The following ZBTB20 variants were observed in gnomAD, a reference collection of about 807,000 sequenced individuals.
ZBTB20 encodes zinc finger and BTB domain containing 20.
ZBTB20 carries 9 observed loss-of-function variants against 56.9 expected under a neutral mutation model. That is an observed-to-expected ratio of 0.16 (90% CI 0.10 to 0.28). The LOEUF is 0.28. ZBTB20 is among the 10% of genes least tolerant of loss of function. The pLI is 1.00. For synonymous variants in ZBTB20, 417 were observed against 420.7 expected, an observed-to-expected ratio of 0.99 and a Z score of 0.11; for missense variants, 655 against 1,003.0, an observed-to-expected ratio of 0.65 and a Z score of 4.69.
chr3:114,393,418 A>G (rs1316421939), intron 7 of ZBTB20, among the ~76,000 whole-genome samples: 2 of 152,236 alleles, frequency 1.3e-5, no homozygotes, highest in Admixed American at 1.3e-4. Flanking sequence ...TAATACAACC[A>G]TAGTATGTCT....
At chr3:115,032,570 A>G (rs1244206495) in intron 2 of ZBTB20, among the ~76,000 whole-genome samples, 1 of 151,494 alleles carries the variant, frequency 6.6e-6, no homozygotes, top group African/African-American at 2.4e-5. Context: ...TCCACCCAAC[A>G]AAAACAGAAT....
intron 6 of ZBTB20, among the ~76,000 whole-genome samples, chr3:114,618,439 G>A (rs1477862027): frequency 6.6e-6 from 1 of 151,360 alleles, no homozygotes. Context: ...AAAAATTTTA[G>A]TAGAGATGAG....
At chr3:114,760,553 A>C (rs929075926) in intron 5 of ZBTB20, among the ~76,000 whole-genome samples, 1 of 152,204 alleles carries the variant, frequency 6.6e-6, no homozygotes, top group African/African-American at 2.4e-5. Context: ...AAAAGATGGG[A>C]TTTAATACAT....
At chr3:114,909,708 C>T (rs1172164916) in intron 3 of ZBTB20, among the ~76,000 whole-genome samples, 1 of 151,966 alleles carries the variant, frequency 6.6e-6, no homozygotes, top group Non-Finnish European at 1.5e-5. Context: ...GATGCTCACA[C>T]AATGATGAAA....
chr3:114,530,147 G>A (rs1383960111), intron 6 of ZBTB20, among the ~76,000 whole-genome samples: 1 of 152,152 alleles, frequency 6.6e-6, no homozygotes, highest in Non-Finnish European at 1.5e-5. Flanking sequence ...GTCTACAGGA[G>A]TATACAGTAA....
chr3:114,549,535 G>A lies in ZBTB20; in HGVS notation c.-294-49144C>T. ...ATGCAGTACAATTCATTCTCTACTA[G>A]CATCAATTTCTTTTTGTAAACAGAA... On this transcript the variant is annotated intron_variant, in intron 6 of 11. Transcript: ENST00000675478. 1.3e-5 allele frequency among the ~76,000 whole-genome samples: 2 copies of A among 151,874 alleles called. 1 individual carries two copies. The highest frequency in any genetic ancestry group is 2.9e-5 in the Non-Finnish European group (2 of 67,998).
At chr3:114,533,003 C>T (rs370362688) in intron 6 of ZBTB20, among the ~76,000 whole-genome samples, 16 of 152,184 alleles carry the variant, frequency 1.1e-4, no homozygotes, top group African/African-American at 3.4e-4. Flanking sequence ...GCGTCAAAGA[C>T]CAAAGGTAGA....
intron 6 of ZBTB20, among the ~76,000 whole-genome samples, chr3:114,683,606 G>A (rs2062124855): frequency 6.6e-6 from 1 of 152,122 alleles, no homozygotes; most frequent in African/African-American, 2.4e-5. Flanking sequence ...TCCAGAGGTA[G>A]ACATTATAAA....
At chr3:114,757,298 C>T (rs1304230784) in intron 5 of ZBTB20, among the ~76,000 whole-genome samples, 2 of 152,152 alleles carry the variant, frequency 1.3e-5, no homozygotes, top group Non-Finnish European at 1.5e-5. Flanking sequence ...CTATACTTTG[C>T]CATTCACTTA....
intron 2 of ZBTB20, among the ~76,000 whole-genome samples, chr3:114,996,432 C>T (rs1280418583): frequency 6.6e-6 from 1 of 151,818 alleles, no homozygotes; most frequent in Non-Finnish European, 1.5e-5. Flanking sequence ...TGTTCAAATC[C>T]CACTTATGAG....
intron 6 of ZBTB20, among the ~76,000 whole-genome samples, chr3:114,600,916 C>A (rs768923329): frequency 6.6e-6 from 1 of 151,708 alleles, no homozygotes; most frequent in East Asian, 1.9e-4. Context: ...TTGTTGCTTG[C>A]CTTTTCTTGA....
chr3:114,621,420 T>A (rs2058310037), intron 6 of ZBTB20, among the ~76,000 whole-genome samples: 1 of 152,186 alleles, frequency 6.6e-6, no homozygotes, highest in Admixed American at 6.5e-5. Context: ...GATATATGGT[T>A]GTGCGTATAT....
At chr3:115,145,447 C>T (rs2084935067) in intron 1 of ZBTB20, among the ~76,000 whole-genome samples, 1 of 152,176 alleles carries the variant, frequency 6.6e-6, no homozygotes, top group African/African-American at 2.4e-5. Context: ...TGCATTTAAC[C>T]TAATCACATT....
chr3:114,590,223 G>A (rs946891674), intron 6 of ZBTB20, among the ~76,000 whole-genome samples: 2 of 152,154 alleles, frequency 1.3e-5, no homozygotes, highest in African/African-American at 2.4e-5. Context: ...GGGAGGGCGA[G>A]GCGGGCGGAT....
intron 4 of ZBTB20, among the ~76,000 whole-genome samples, chr3:114,820,839 G>A (rs1028626784): frequency 1.3e-5 from 2 of 152,004 alleles, no homozygotes; most frequent in African/African-American, 4.8e-5. Context: ...TTTGACTACA[G>A]CATTCACCCA....
chr3:115,059,641 C>T (rs2108470924), intron 2 of ZBTB20, among the ~76,000 whole-genome samples: 1 of 152,294 alleles, frequency 6.6e-6, no homozygotes, highest in Middle Eastern at 3.4e-3. Context: ...TCCTTGTCTG[C>T]ATATCTCCCT....
intron 3 of ZBTB20, among the ~76,000 whole-genome samples, chr3:114,956,298 C>A (rs2077244312): frequency 1.3e-5 from 2 of 152,114 alleles, no homozygotes; most frequent in South Asian, 4.1e-4. Flanking sequence ...GACAAATACT[C>A]AAGACAATAA....
At chr3:114,905,236 A>C (rs2075278021) in intron 3 of ZBTB20, among the ~76,000 whole-genome samples, 1 of 151,954 alleles carries the variant, frequency 6.6e-6, no homozygotes, top group Admixed American at 6.6e-5. Flanking sequence ...TAAGAACCTA[A>C]AATTTAGAAA....
At chr3:114,774,161 A>T (rs919714813) in intron 5 of ZBTB20, among the ~76,000 whole-genome samples, 6 of 152,232 alleles carry the variant, frequency 3.9e-5, no homozygotes, top group Non-Finnish European at 7.3e-5. Flanking sequence ...TTTCACAGTA[A>T]AAGGTAAATT....
Sources: gnomAD v4.1 joint callset for allele counts (sites outside exome capture counted in the v4.1 genomes callset) on GRCh38, gnomAD v4.1.1 for gene constraint, MANE v1.5 for transcripts, NCBI Gene and HGNC (gene_info 2026-07-23, HGNC 2026-07-21) for gene names.